SAMD12: variants seen among roughly 807,000 people sequenced by gnomAD.
SAMD12 encodes the protein sterile alpha motif domain-containing protein 12.
SAMD12 carries 9 observed loss-of-function variants against 15.0 expected under a neutral mutation model. The ratio of observed to expected loss-of-function variants is 0.60; its 90% confidence interval spans 0.36 to 1.05. The LOEUF is 1.05. Among genes scored for constraint, SAMD12 ranks in the 50% least tolerant of loss-of-function variants. The pLI is 0.01. For synonymous variants in SAMD12, 86 were observed against 90.1 expected, an observed-to-expected ratio of 0.96 and a Z score of 0.25; for missense variants, 230 against 234.2, an observed-to-expected ratio of 0.98 and a Z score of 0.12.
intron 4 of SAMD12, among the ~76,000 whole-genome samples, chr8:118,225,237 A>C (rs1179944158): frequency 6.6e-6 from 1 of 152,166 alleles, no homozygotes; most frequent in Non-Finnish European, 1.5e-5. Context: ...ACTATGCCCC[A>C]TTCATTCATT....
At chr8:118,431,669 T>G (rs547030577) in intron 3 of SAMD12, among the ~76,000 whole-genome samples, 4 of 150,026 alleles carry the variant, frequency 2.7e-5, no homozygotes, top group African/African-American at 7.4e-5. Flanking sequence ...CTGACTCCTT[T>G]CAAAATTTTA....
intron 4 of SAMD12, among the ~76,000 whole-genome samples, chr8:118,295,979 G>A (rs940203421): frequency 2.0e-5 from 3 of 152,082 alleles, no homozygotes; most frequent in Non-Finnish European, 4.4e-5. Flanking sequence ...CACTGGGATG[G>A]GAAGTAAGGC....
chr8:118,515,496 T>C (rs1452942740), intron 2 of SAMD12, among the ~76,000 whole-genome samples: 1 of 152,132 alleles, frequency 6.6e-6, no homozygotes, highest in Non-Finnish European at 1.5e-5. Flanking sequence ...GGTATTTATT[T>C]ATAGCAATGC....
chr8:118,144,849 G>C, the SAMD12 span, among the ~76,000 whole-genome samples: 1 of 152,198 alleles, frequency 6.6e-6, no homozygotes. Context: ...TTTCAACTGA[G>C]GTACTAAAAA....
rs1828424109 is a variant in SAMD12 at position 118,621,939 on chromosome 8, C to T, written c.-123G>A. ...TGCGCTTATCTGCTCCAGGACCAAC[C>T]TGCCGCGGTCACGCAAAGCGAGGCA... is the stretch of plus-strand genomic sequence containing the variant. On this transcript the variant is annotated 5_prime_UTR_variant, in exon 1 of 4. Transcript: ENST00000314727. 8.2e-7 allele frequency: 1 copy of T among 1,213,568 alleles called. No individual in the cohort carries two copies. Among genetic ancestry groups the T allele is most frequent in the Non-Finnish European group, 1.2e-6 (1 of 818,366 alleles). The allele number at this position is 1,213,568 out of a possible 1,614,324, so 75.2% of individuals were successfully genotyped here.
intron 2 of SAMD12, among the ~76,000 whole-genome samples, chr8:118,548,418 C>CACACACACACACAA (rs1826198966): frequency 6.9e-6 from 1 of 145,278 alleles, no homozygotes; most frequent in Admixed American, 6.7e-5. Flanking sequence ...CACACACACA[C>CACACACACACACAA]ACACACCCCA....
At chr8:118,196,761 C>G (rs1481185120) in exon 5 of SAMD12, 1 of 152,198 alleles carries the variant, frequency 6.6e-6, no homozygotes, top group African/African-American at 2.4e-5. Flanking sequence ...CATCCATCCA[C>G]CATGGTCTTT....
At chr8:118,159,316 G>T in the SAMD12 span, among the ~76,000 whole-genome samples, 1 of 152,162 alleles carries the variant, frequency 6.6e-6, no homozygotes, top group African/African-American at 2.4e-5. Flanking sequence ...CAGAGAGCTG[G>T]CACCTGTGCC....
intron 4 of SAMD12, among the ~76,000 whole-genome samples, chr8:118,352,964 T>C (rs111248632): frequency 0.016 from 2,495 of 152,218 alleles, 63 homozygotes; most frequent in African/African-American, 0.056. Context: ...AAAATAATTA[T>C]GTTGCTTTAG....
intron 2 of SAMD12, among the ~76,000 whole-genome samples, chr8:118,444,581 T>A (rs889613402): frequency 1.3e-5 from 2 of 152,058 alleles, no homozygotes; most frequent in African/African-American, 4.8e-5. Context: ...TATTTACTCA[T>A]ATAATAAATT....
At chr8:118,350,617 T>C (rs1179463570) in intron 4 of SAMD12, among the ~76,000 whole-genome samples, 1 of 152,222 alleles carries the variant, frequency 6.6e-6, no homozygotes, top group East Asian at 1.9e-4. Context: ...AAGGTCTGTT[T>C]GACAACCACA....
chr8:118,370,538 C>T (rs538350948), intron 4 of SAMD12, among the ~76,000 whole-genome samples: 27 of 152,196 alleles, frequency 1.8e-4, no homozygotes, highest in African/African-American at 5.8e-4. Context: ...TCAACCCAAA[C>T]GTCAATCGAT....
chr8:118,406,890 T>TTGTGTGTGTGTGTGTG (rs3052708), intron 3 of SAMD12, among the ~76,000 whole-genome samples: 1,479 of 147,424 alleles, frequency 0.01, 20 homozygotes, highest in African/African-American at 0.027. Context: ...CAATATTCCA[T>TTGTGTGTGTGTGTGTG]TGTGTGTGTG....
intron 2 of SAMD12, among the ~76,000 whole-genome samples, chr8:118,521,592 T>C (rs928250524): frequency 1.3e-5 from 2 of 152,214 alleles, no homozygotes; most frequent in Non-Finnish European, 2.9e-5. Flanking sequence ...GATATGCACA[T>C]GTATGGCTGA....
intron 4 of SAMD12, among the ~76,000 whole-genome samples, chr8:118,368,110 T>C (rs1818890982): frequency 6.6e-6 from 1 of 152,214 alleles, no homozygotes. Flanking sequence ...ATTTCTCTGA[T>C]GGCTTAAAGA....
At chr8:118,409,044 G>A (rs770150983) in intron 3 of SAMD12, among the ~76,000 whole-genome samples, 7 of 152,054 alleles carry the variant, frequency 4.6e-5, no homozygotes, top group Non-Finnish European at 8.8e-5. Context: ...GACTACAGGT[G>A]CATGCCACCA....
At chr8:118,337,943 C>A (rs950085832) in intron 4 of SAMD12, among the ~76,000 whole-genome samples, 2 of 152,108 alleles carry the variant, frequency 1.3e-5, no homozygotes, top group Non-Finnish European at 2.9e-5. Context: ...TGTGAAGAAA[C>A]AAAAAGAAAT....
intron 3 of SAMD12, among the ~76,000 whole-genome samples, chr8:118,421,463 G>A (rs1188888245): frequency 6.6e-6 from 1 of 152,130 alleles, no homozygotes; most frequent in Non-Finnish European, 1.5e-5. Flanking sequence ...ATCTATCAAT[G>A]TCACCAAGGT....
chr8:118,223,662 A>C (rs1473839733), intron 4 of SAMD12, among the ~76,000 whole-genome samples: 1 of 152,210 alleles, frequency 6.6e-6, no homozygotes. Context: ...AGTTTCTGAG[A>C]ACAATCAATA....
Sources: allele counts gnomAD v4.1 joint callset (sites outside exome capture counted in the v4.1 genomes callset), GRCh38; gene constraint gnomAD v4.1.1; transcripts MANE v1.5; gene names NCBI Gene and HGNC (gene_info 2026-07-23, HGNC 2026-07-21).